Variants in ARLN observed in about 807,000 individuals in gnomAD.
ARLN encodes the protein allregulin.
chr4:119,299,236 G>C, the ARLN span, among the ~76,000 whole-genome samples: 1 of 152,134 alleles, frequency 6.6e-6, no homozygotes, highest in South Asian at 2.1e-4. Flanking sequence ...ACAGGCGTGA[G>C]CCACTGTGCC....
At chr4:119,304,239 A>T in the ARLN span, 1 of 1,528,172 alleles carries the variant, frequency 6.5e-7, no homozygotes, top group Non-Finnish European at 8.8e-7. Flanking sequence ...GGTATTTCTA[A>T]CATACCAATT....
At chr4:119,303,237 T>G in the ARLN span, among the ~76,000 whole-genome samples, 4 of 148,190 alleles carry the variant, frequency 2.7e-5, no homozygotes, top group African/African-American at 9.9e-5. Flanking sequence ...AATTCTTTTT[T>G]TTTTTTTTTT....
the ARLN span, among the ~76,000 whole-genome samples, chr4:119,301,916 G>A: frequency 6.6e-6 from 1 of 152,146 alleles, no homozygotes; most frequent in East Asian, 1.9e-4. Context: ...GACCTTTCAA[G>A]AAAAATGCTT....
the ARLN span, among the ~76,000 whole-genome samples, chr4:119,301,085 G>T: frequency 6.6e-6 from 1 of 151,842 alleles, no homozygotes; most frequent in Non-Finnish European, 1.5e-5. Flanking sequence ...AGAGCAGCAC[G>T]TGAGCATTTT....
chr4:119,300,606 G>C, the ARLN span: 1 of 1,606,994 alleles, frequency 6.2e-7, no homozygotes, highest in Non-Finnish European at 8.5e-7. Flanking sequence ...GGTGTTCGCC[G>C]CACCGGAAAC....
the ARLN span, chr4:119,300,653 CCCGGGTT>C: frequency 2.9e-4 from 452 of 1,564,314 alleles, no homozygotes; most frequent in Non-Finnish European, 3.7e-4. Flanking sequence ...TGCGCCGCGC[CCCGGGTT>C]CCGGAATGCA....
At chr4:119,302,300 C>G in the ARLN span, among the ~76,000 whole-genome samples, 1 of 152,236 alleles carries the variant, frequency 6.6e-6, no homozygotes, top group Non-Finnish European at 1.5e-5. Context: ...TCAGGAACGT[C>G]TGCCAGACTT....
chr4:119,304,395 T>C, the ARLN span: 2 of 1,536,996 alleles, frequency 1.3e-6, no homozygotes, highest in East Asian at 2.4e-5. Flanking sequence ...TATTTCCCTC[T>C]ACATTCTGTA....
At chr4:119,300,304 T>C in the ARLN span, 1 of 1,564,316 alleles carries the variant, frequency 6.4e-7, no homozygotes, top group East Asian at 2.3e-5. Flanking sequence ...CTAAGCTCCT[T>C]ACCACCCCAA....
the ARLN span, among the ~76,000 whole-genome samples, chr4:119,302,202 C>G: frequency 6.6e-6 from 1 of 152,102 alleles, no homozygotes; most frequent in Non-Finnish European, 1.5e-5. Flanking sequence ...ATAAACTGAA[C>G]AGGTCTTGAA....
chr4:119,298,926 C>T, the ARLN span: 232 of 409,318 alleles, frequency 5.7e-4, no homozygotes, highest in African/African-American at 7.3e-3. Context: ...AAGTTCAGGT[C>T]ATAAAAACAC....
chr4:119,303,037 G>A, the ARLN span, among the ~76,000 whole-genome samples: 1 of 152,038 alleles, frequency 6.6e-6, no homozygotes, highest in Non-Finnish European at 1.5e-5. Flanking sequence ...TGGAGAATTT[G>A]GTTACTGTAA....
At chr4:119,304,149 A>G in the ARLN span, 7 of 757,562 alleles carry the variant, frequency 9.2e-6, no homozygotes, top group East Asian at 5.4e-5. Context: ...TCCAAATCCT[A>G]CTCATCCTTC....
chr4:119,300,465 C>T, the ARLN span: 2 of 1,614,040 alleles, frequency 1.2e-6, no homozygotes, highest in Admixed American at 1.7e-5. Flanking sequence ...GTTCTGCCTC[C>T]CTCCCTCGCT....
the ARLN span, chr4:119,300,930 A>G: frequency 1.1e-6 from 1 of 902,226 alleles, no homozygotes; most frequent in Non-Finnish European, 1.6e-6. Context: ...CTATCCCCGT[A>G]TTCCGTTTGG....
chr4:119,300,095 A>T, the ARLN span, among the ~76,000 whole-genome samples: 1 of 151,974 alleles, frequency 6.6e-6, no homozygotes, highest in African/African-American at 2.4e-5. Context: ...GTTTCATTCC[A>T]AATCATGAGA....
chr4:119,302,483 C>T, the ARLN span, among the ~76,000 whole-genome samples: 1 of 152,160 alleles, frequency 6.6e-6, no homozygotes, highest in Non-Finnish European at 1.5e-5. Context: ...TCAAGTGATC[C>T]TTCTGCCTCG....
chr4:119,300,737 G>C, the ARLN span: 1 of 1,510,486 alleles, frequency 6.6e-7, no homozygotes, highest in Middle Eastern at 1.7e-4. Context: ...GTGACCGCTG[G>C]CATGAAGCGC....
chr4:119,300,566 A>T, the ARLN span: 1 of 1,613,968 alleles, frequency 6.2e-7, no homozygotes, highest in Admixed American at 1.7e-5. Flanking sequence ...ACAACCCTAG[A>T]AACCGAAAAT....
Sources: gnomAD v4.1 joint callset for allele counts (sites outside exome capture counted in the v4.1 genomes callset) on GRCh38, gnomAD v4.1.1 for gene constraint, MANE v1.5 for transcripts, NCBI Gene and HGNC (gene_info 2026-07-23, HGNC 2026-07-21) for gene names.